Variants in NEBL observed in about 807,000 individuals in gnomAD.
The protein encoded by NEBL is nebulette.
In NEBL, 122 loss-of-function variants were observed where a neutral mutation model predicts 140.2. The ratio of observed to expected loss-of-function variants is 0.87; its 90% confidence interval spans 0.75 to 1.01. The LOEUF is 1.01. Ranked by LOEUF, NEBL falls within the 50% of genes least tolerant of loss-of-function variation. NEBL has a pLI of 0.00. For synonymous variants in NEBL, 436 were observed against 398.9 expected, an observed-to-expected ratio of 1.09 and a Z score of -1.11; for missense variants, 1,365 against 1,231.3, an observed-to-expected ratio of 1.11 and a Z score of -1.62.
chr10:21,106,750 G>A (rs1009869676), intron 2 of NEBL, among the ~76,000 whole-genome samples: 3 of 152,154 alleles, frequency 2.0e-5, no homozygotes, highest in African/African-American at 7.2e-5. Flanking sequence ...GATGGGGATA[G>A]TATTGAATGT....
intron 2 of NEBL, among the ~76,000 whole-genome samples, chr10:21,106,597 T>C (rs1175628604): frequency 2.0e-5 from 3 of 152,204 alleles, no homozygotes; most frequent in African/African-American, 7.2e-5. Flanking sequence ...AGCCTTGTAG[T>C]ATAGTTTGAA....
intron 4 of NEBL, chr10:20,961,523 T>C: frequency 4.1e-6 from 3 of 723,266 alleles, no homozygotes; most frequent in Non-Finnish European, 7.5e-6. Context: ...AGGGCAGGGT[T>C]TACCAGATGA....
In NEBL at chr10:20,850,463, G is replaced by A; in HGVS notation, c.1048C>T (p.Pro350Ser). The change falls in exon 11 of 28, where the codon CCA (proline) becomes TCA (serine). Residue 350 changes from proline (P) to serine (S), a missense_variant. By Grantham distance (74) the Pro-to-Ser change is moderately conservative. Around this residue, in one of 2 missense-constraint regions of NEBL, gnomAD observed 1,323 missense variants for 1,154.8 expected, o/e 1.15. Transcript: ENST00000377122. ...GGTGTCTCAACAAATTCAAGCATTG[G>A]CTTTCCCTTATTTTTCTCATATTCT... ...KEEYEKNKGK[P>S]MLEFVETPSY... is the part of the protein sequence containing the mutation. 1.9e-6 allele frequency: 3 copies of A among 1,611,178 alleles called. No individual in the cohort carries two copies. In the South Asian group the frequency reaches 3.3e-5, roughly 18 times the overall value.
chr10:21,288,818 G>GTCTATATATATATA lies in NEBL; in HGVS notation n.182+4011_182+4012insTATATATATATAGA, dbSNP rs757155594. 1.8e-4 allele frequency among the ~76,000 whole-genome samples: 6 copies of GTCTATATATATATA among 32,668 alleles called. No individual in the cohort carries two copies. In the East Asian group the frequency reaches 0.012, roughly 65 times the overall value. 21.4% of individuals were successfully genotyped at this position (32,668 alleles called of 152,430 possible). ...CATCTGACAATATATACGTGTGTGTGTGTATATATATATATATATATATAT... is the reference window on the plus strand; with the variant it reads ...CATCTGACAATATATACGTGTGTGTGTCTATATATATATATGTATATATATATATATATATATAT... On this transcript the variant is annotated intron_variant and non_coding_transcript_variant, in intron 1 of 8. Transcript: ENST00000675702.
intron 2 of NEBL, among the ~76,000 whole-genome samples, chr10:21,122,721 C>T (rs903686041): frequency 9.9e-5 from 15 of 152,016 alleles, no homozygotes; most frequent in Non-Finnish European, 1.8e-4. Context: ...GTCTGGGTAG[C>T]GGATCCAGAA....
chr10:20,942,341 C>T (rs376610720), intron 4 of NEBL, among the ~76,000 whole-genome samples: 75 of 152,130 alleles, frequency 4.9e-4, no homozygotes, highest in African/African-American at 1.6e-3. Flanking sequence ...AATGGGGAAA[C>T]GATTCCCTAT....
intron 3 of NEBL, chr10:20,961,816 A>G (rs767007710): frequency 6.7e-7 from 1 of 1,502,646 alleles, no homozygotes; most frequent in South Asian, 1.1e-5. Flanking sequence ...GAACAGAGGG[A>G]TCACGAATCC....
intron 2 of NEBL, among the ~76,000 whole-genome samples, chr10:21,129,001 G>T (rs936317341): frequency 6.6e-6 from 1 of 152,168 alleles, no homozygotes; most frequent in African/African-American, 2.4e-5. Flanking sequence ...TCAGTGTGTG[G>T]TTCCACATGT....
chr10:21,237,366 G>A (rs975713796), intron 3 of NEBL, among the ~76,000 whole-genome samples: 6 of 151,744 alleles, frequency 4.0e-5, no homozygotes, highest in Non-Finnish European at 8.8e-5. Flanking sequence ...CACCACACCT[G>A]GCTAATGTTT....
intron 4 of NEBL, among the ~76,000 whole-genome samples, chr10:20,956,831 G>C (rs1256080814): frequency 6.6e-6 from 1 of 152,086 alleles, no homozygotes; most frequent in East Asian, 1.9e-4. Context: ...CTGTTGTTCA[G>C]ATTCATGTAA....
At chr10:21,014,191 G>A (rs1008699380) in intron 3 of NEBL, among the ~76,000 whole-genome samples, 4 of 151,848 alleles carry the variant, frequency 2.6e-5, no homozygotes, top group Admixed American at 6.6e-5. Flanking sequence ...TAGTGTGATC[G>A]TAGCTCACTA....
chr10:20,945,804 T>C (rs751759686), intron 4 of NEBL, among the ~76,000 whole-genome samples: 60 of 152,180 alleles, frequency 3.9e-4, no homozygotes, highest in Non-Finnish European at 7.2e-4. Flanking sequence ...AATCCTGGTG[T>C]AGAGGATTCA....
At chr10:21,050,019 T>C (rs1274621059) in intron 2 of NEBL, among the ~76,000 whole-genome samples, 1 of 152,186 alleles carries the variant, frequency 6.6e-6, no homozygotes, top group Non-Finnish European at 1.5e-5. Context: ...AGGATTTGAA[T>C]GACCTTGAGA....
chr10:21,104,298 G>C (rs977997446), intron 2 of NEBL, among the ~76,000 whole-genome samples: 32 of 152,212 alleles, frequency 2.1e-4, no homozygotes, highest in African/African-American at 7.2e-4. Flanking sequence ...TTGAAATCAT[G>C]TTAAATATAT....
rs184980350 is a variant in NEBL at position 20,809,223 on chromosome 10, A to T, written c.2612-564T>A. Reference sequence around the variant, plus strand: ...CATAACTGCATAACTGTCAGAGAAAATTTGAAATGTCAAATCAAGCCATCA... The same window carrying T: ...CATAACTGCATAACTGTCAGAGAAATTTTGAAATGTCAAATCAAGCCATCA... On this transcript the variant is annotated intron_variant, in intron 25 of 27. Transcript: ENST00000377122. Among the ~76,000 whole-genome samples the T allele has an allele frequency of 2.0e-5, 3 of 152,282 alleles. No homozygotes were observed. In the East Asian group the frequency reaches 5.8e-4, roughly 29 times the overall value.
At chr10:21,140,272 G>A (rs1265982741) in intron 2 of NEBL, among the ~76,000 whole-genome samples, 1 of 152,154 alleles carries the variant, frequency 6.6e-6, no homozygotes, top group Non-Finnish European at 1.5e-5. Flanking sequence ...TGAGTAAACA[G>A]TGAAAATATG....
At chr10:20,997,494 A>C (rs1467715681) in intron 3 of NEBL, among the ~76,000 whole-genome samples, 62 of 139,682 alleles carry the variant, frequency 4.4e-4, no homozygotes, top group Non-Finnish European at 7.0e-4. Flanking sequence ...AAAAAAAAAA[A>C]AAAAAAAAAA....
intron 3 of NEBL, among the ~76,000 whole-genome samples, chr10:20,973,622 G>T (rs968059163): frequency 6.6e-6 from 1 of 152,120 alleles, no homozygotes; most frequent in African/African-American, 2.4e-5. Flanking sequence ...CCTCCTTCTA[G>T]TAATGGTCCT....
intron 1 of NEBL, among the ~76,000 whole-genome samples, chr10:21,282,016 A>G (rs1392225462): frequency 6.6e-6 from 1 of 152,218 alleles, no homozygotes; most frequent in Non-Finnish European, 1.5e-5. Flanking sequence ...CTGTCCCACA[A>G]CCATTCCTCC....
Sources: gnomAD v4.1 joint callset for allele counts (sites outside exome capture counted in the v4.1 genomes callset) on GRCh38, gnomAD v4.1.1 for gene constraint, gnomAD v4.1.1 regional missense constraint, MANE v1.5 for transcripts, NCBI Gene and HGNC (gene_info 2026-07-23, HGNC 2026-07-21) for gene names.